Variants in LMF1 observed in about 807,000 individuals in gnomAD.
The protein encoded by LMF1 is transmembrane protein 112.
LMF1 carries 68 observed loss-of-function variants against 60.6 expected under a neutral mutation model. That is an observed-to-expected ratio of 1.12 (90% CI 0.92 to 1.37). LMF1 has a LOEUF of 1.37. LMF1 is among the 40% of genes most tolerant of loss of function. The pLI, the probability that LMF1 is intolerant of heterozygous loss-of-function variation, is 0.00. For synonymous variants in LMF1, 418 were observed against 324.7 expected (o/e 1.29, Z -3.09); for missense variants, 948 against 767.2 (o/e 1.24, Z -2.78).
At chr16:873,222 C>T (rs1484302685) in intron 6 of LMF1, 2 of 152,336 alleles carry the variant, frequency 1.3e-5, no homozygotes, top group African/African-American at 4.8e-5. Context: ...TCCTGGGGGA[C>T]CTCGCCTTCC....
At chr16:981,160 C>A (rs1444519623) in exon 1 of LMF1, 2 of 453,510 alleles carry the variant, frequency 4.4e-6, no homozygotes, top group Middle Eastern at 3.3e-4. Context: ...CGTGCGCTGT[C>A]CGCAGACTCT....
rs376435070 is a variant in LMF1, at chr16:970,912, C to A, written c.69G>T (p.Ser23=). The A allele has an allele frequency of 1.2e-5, 19 of 1,580,592 alleles. No individual in the cohort carries two copies. The East Asian group carries it at 4.3e-4, about 35-fold the overall frequency. Reference sequence around the variant, plus strand: ...CGGGCGGCGACTCAGGCTCCGGATCCGAGTACCCAGTCTTCCGCCTCCTCA... The same window carrying A: ...CGGGCGGCGACTCAGGCTCCGGATCAGAGTACCCAGTCTTCCGCCTCCTCA... ...ESLRRRKTGY[S]DPEPESPPAP... Residue 23 remains serine (S), a synonymous_variant, in exon 1 of 11, where the codon TCG becomes TCT. Coordinates refer to ENST00000262301, the MANE Select transcript of LMF1 (RefSeq NM_022773.4).
At chr16:930,094 G>A (rs13332433) in intron 3 of LMF1, among the ~76,000 whole-genome samples, 4 of 90,738 alleles carry the variant, frequency 4.4e-5, no homozygotes, top group Non-Finnish European at 8.0e-5. Context: ...GAACGGGGGC[G>A]CAGGACCCTG....
intron 2 of LMF1, among the ~76,000 whole-genome samples, chr16:943,370 CAAAA>C (rs34995293): frequency 5.9e-4 from 57 of 97,032 alleles, no homozygotes; most frequent in African/African-American, 1.2e-3. Flanking sequence ...GACTCCATCT[CAAAA>C]AAAAAAAAAA....
chr16:937,808 T>C (rs1347379206), intron 2 of LMF1, among the ~76,000 whole-genome samples: 1 of 152,270 alleles, frequency 6.6e-6, no homozygotes, highest in Non-Finnish European at 1.5e-5. Flanking sequence ...TCTTCCAGTT[T>C]CTGGCCTAGT....
intron 10 of LMF1, among the ~76,000 whole-genome samples, chr16:865,931 G>A (rs917293393): frequency 3.3e-5 from 5 of 152,144 alleles, no homozygotes; most frequent in African/African-American, 7.2e-5. Context: ...GATGTCGAGT[G>A]TTTTGTGTCA....
chr16:970,716 C>A (rs564366156), intron 1 of LMF1, 72 bp downstream of exon 1: 127 of 1,400,348 alleles, frequency 9.1e-5, no homozygotes, highest in Admixed American at 3.3e-4. Context: ...GCGGAGGAGT[C>A]TCGAGGGAGG....
chr16:979,952 G>A (rs945635886), intron 1 of LMF1: 4 of 357,402 alleles, frequency 1.1e-5, no homozygotes. Context: ...AGGGCCTCCA[G>A]GGGGAAGAGG....
chr16:931,442 G>A (rs1314799475), intron 3 of LMF1, among the ~76,000 whole-genome samples: 1 of 152,242 alleles, frequency 6.6e-6, no homozygotes, highest in Non-Finnish European at 1.5e-5. Flanking sequence ...GCAAAATGAA[G>A]ACAAGGAATG....
chr16:856,029 C>G (rs891022484), intron 10 of LMF1: 1 of 452,304 alleles, frequency 2.2e-6, no homozygotes, highest in Non-Finnish European at 4.5e-6. Flanking sequence ...CAGAGACCCT[C>G]TGGGTGGAGG....
At chr16:879,460 A>T in intron 6 of LMF1, 110 bp downstream of exon 6, 1 of 1,279,142 alleles carries the variant, frequency 7.8e-7, no homozygotes, top group Non-Finnish European at 1.1e-6. Flanking sequence ...GTCCCCAAGA[A>T]AGGGGGCCTG....
chr16:911,082 A>C lies in LMF1; in HGVS notation c.515-3T>G. On this transcript the variant is annotated splice_polypyrimidine_tract_variant and splice_region_variant and intron_variant, in intron 3 of 10. Coordinates refer to ENST00000262301, the MANE Select transcript of LMF1 (RefSeq NM_022773.4). ...CTCCAGAAGCTGGGACTCCCATCCT[A>C]AAACAACGAGACATACCAAAGGTGA... 1 of 1,610,268 alleles carries C rather than the reference A, an allele frequency of 6.2e-7. No homozygotes were observed. The highest frequency in any genetic ancestry group is 8.5e-7 in the Non-Finnish European group (1 of 1,178,610).
rs934311057 is a variant in LMF1 at position 878,168 on chromosome 16, C to T, written c.897+1402G>A. On this transcript the variant is annotated intron_variant, in intron 6 of 10. Transcript: ENST00000262301. This position sits in a 1 kb window ranked among gnomAD's most constrained non-coding sequence, Gnocchi z 5.2. Reference sequence around the variant, plus strand: ...CGCGTGGGGTCCGGCTACATGGAACCGACTGAAGCTATTCCAGGAGCCCTG... The same window carrying T: ...CGCGTGGGGTCCGGCTACATGGAACTGACTGAAGCTATTCCAGGAGCCCTG... 2.0e-5 allele frequency among the ~76,000 whole-genome samples: 3 copies of T among 152,100 alleles called. No homozygotes were observed. The highest frequency in any genetic ancestry group is 3.9e-4 in the East Asian group (2 of 5,190).
intron 1 of LMF1, among the ~76,000 whole-genome samples, chr16:956,509 A>G (rs1329228550): frequency 6.6e-6 from 1 of 152,252 alleles, no homozygotes; most frequent in Admixed American, 6.5e-5. Flanking sequence ...TAAAAAATAC[A>G]AACAAAAGAA....
chr16:949,378 G>C (rs1356455956), intron 2 of LMF1, among the ~76,000 whole-genome samples: 1 of 147,190 alleles, frequency 6.8e-6, no homozygotes, highest in Non-Finnish European at 1.5e-5. Context: ...GTCAGCCAAT[G>C]ACAGAGTCAG....
intron 2 of LMF1, among the ~76,000 whole-genome samples, chr16:941,114 T>C (rs2072090306): frequency 6.6e-6 from 1 of 152,234 alleles, no homozygotes; most frequent in Non-Finnish European, 1.5e-5. Flanking sequence ...AGCTTTCCAG[T>C]ATATTTATGT....
Position 878,815 on chromosome 16 carries a change from T to A in LMF1, c.897+755A>T, listed in dbSNP as rs2070073946. ...AGGTACATCTGTTTTCCAGAGCACG[T>A]GGAACGCCACCTGGACCTGTGCATT... On this transcript the variant is annotated intron_variant, in intron 6 of 10. Transcript: ENST00000262301. The surrounding 1 kb of genome is among the most constrained non-coding windows in gnomAD (Gnocchi z 5.2). Among the ~76,000 whole-genome samples, 1 of 151,956 alleles carries A rather than the reference T, an allele frequency of 6.6e-6. No individual in the cohort carries two copies. Among genetic ancestry groups the A allele is most frequent in the Non-Finnish European group, 1.5e-5 (1 of 68,004 alleles).
chr16:952,817 C>G (rs941764315), intron 2 of LMF1, among the ~76,000 whole-genome samples: 1 of 135,694 alleles, frequency 7.4e-6, no homozygotes, highest in Non-Finnish European at 1.6e-5. Context: ...ACACAGACAC[C>G]CACCCCAAAC....
intron 6 of LMF1, chr16:873,632 C>G (rs886280108): frequency 6.6e-6 from 1 of 150,678 alleles, no homozygotes; most frequent in Non-Finnish European, 1.5e-5. Flanking sequence ...CGCGGGGACC[C>G]TCCGCCGAGG....
Sources: allele counts gnomAD v4.1 joint callset (sites outside exome capture counted in the v4.1 genomes callset), GRCh38; gene constraint gnomAD v4.1.1; non-coding constraint Gnocchi (gnomAD v3.1); transcripts MANE v1.5; gene names NCBI Gene and HGNC (gene_info 2026-07-23, HGNC 2026-07-21).